The following BTBD9 variants were observed in gnomAD, a reference collection of about 807,000 sequenced individuals.
BTBD9 encodes BTB domain containing 9.
BTBD9 carries 49 observed loss-of-function variants against 64.3 expected under a neutral mutation model. That is an observed-to-expected ratio of 0.76 (90% CI 0.61 to 0.97). BTBD9 has a LOEUF of 0.97. Ranked by LOEUF, BTBD9 falls within the 50% of genes least tolerant of loss-of-function variation. The probability of loss-of-function intolerance (pLI) is 0.00; values close to 1 mark genes in which losing one functional copy is unlikely to be tolerated. For missense variants in BTBD9, 598 were observed against 762.1 expected, an observed-to-expected ratio of 0.78 and a Z score of 2.53; for synonymous variants, 260 against 274.7, an observed-to-expected ratio of 0.95 and a Z score of 0.53.
chr6:38,497,474 C>T (rs1029904369), intron 6 of BTBD9, among the ~76,000 whole-genome samples: 3 of 152,126 alleles, frequency 2.0e-5, no homozygotes, highest in South Asian at 2.1e-4. Context: ...AGCATTAGAA[C>T]GGGCTAGCTC....
intron 6 of BTBD9, among the ~76,000 whole-genome samples, chr6:38,400,354 C>G (rs1766873590): frequency 6.6e-6 from 1 of 152,192 alleles, no homozygotes; most frequent in Non-Finnish European, 1.5e-5. Context: ...CCACGTTCCA[C>G]TTTCTCATAG....
At chr6:38,371,793 T>C (rs995302628) in intron 6 of BTBD9, among the ~76,000 whole-genome samples, 2 of 152,166 alleles carry the variant, frequency 1.3e-5, no homozygotes, top group Admixed American at 6.5e-5. Flanking sequence ...GGTGTGACTG[T>C]TTTTCGTTAA....
At chr6:38,580,185 A>G (rs758117507) in intron 5 of BTBD9, 33 bp downstream of exon 5, 22 of 1,591,520 alleles carry the variant, frequency 1.4e-5, no homozygotes, top group South Asian at 1.2e-4. Context: ...TCTCAAACAT[A>G]ATGTCAGTTT....
intron 9 of BTBD9, among the ~76,000 whole-genome samples, chr6:38,221,975 G>A (rs1166426540): frequency 6.6e-6 from 1 of 152,026 alleles, no homozygotes; most frequent in Non-Finnish European, 1.5e-5. Flanking sequence ...TGGTGACAGA[G>A]AGAGACTCTG....
At chr6:38,415,886 A>G (rs1235522057) in intron 6 of BTBD9, among the ~76,000 whole-genome samples, 1 of 151,890 alleles carries the variant, frequency 6.6e-6, no homozygotes, top group Non-Finnish European at 1.5e-5. Context: ...TGCCTCACTC[A>G]TATTTCTTCA....
At chr6:38,224,759 T>C (rs1484304584) in intron 9 of BTBD9, among the ~76,000 whole-genome samples, 1 of 152,274 alleles carries the variant, frequency 6.6e-6, no homozygotes, top group East Asian at 1.9e-4. Context: ...ATAATTTACA[T>C]ATTTAATCAG....
At chr6:38,221,215 A>G (rs749220387) in intron 9 of BTBD9, among the ~76,000 whole-genome samples, 2 of 152,174 alleles carry the variant, frequency 1.3e-5, no homozygotes, top group African/African-American at 2.4e-5. Context: ...TTCATGGCCT[A>G]CCAGTAAAAA....
chr6:38,484,593 G>A (rs1771313719), intron 6 of BTBD9, among the ~76,000 whole-genome samples: 1 of 152,200 alleles, frequency 6.6e-6, no homozygotes, highest in Admixed American at 6.5e-5. Context: ...TACAGGGATA[G>A]CTGGGAGATG....
intron 8 of BTBD9, among the ~76,000 whole-genome samples, chr6:38,265,589 C>T (rs1414694148): frequency 6.6e-6 from 1 of 151,398 alleles, no homozygotes; most frequent in East Asian, 1.9e-4. Flanking sequence ...GCAACCTCTG[C>T]TCACTGCAAC....
intron 3 of BTBD9, 57 bp from the exon 4 acceptor site, chr6:38,592,897 C>A: frequency 6.4e-7 from 1 of 1,553,982 alleles, no homozygotes; most frequent in Non-Finnish European, 8.8e-7. Context: ...ACTGCATGAC[C>A]AATCAGTAAA....
chr6:38,353,051 A>G (rs1764584941), intron 6 of BTBD9, among the ~76,000 whole-genome samples: 1 of 152,268 alleles, frequency 6.6e-6, no homozygotes, highest in Non-Finnish European at 1.5e-5. Flanking sequence ...TTGCTAAATT[A>G]GAAGGATAAA....
chr6:38,635,643 C>G (rs71571334), intron 1 of BTBD9, among the ~76,000 whole-genome samples: 3 of 152,154 alleles, frequency 2.0e-5, no homozygotes, highest in Non-Finnish European at 2.9e-5. Flanking sequence ...CAGCCCCCTT[C>G]CCTCTCTCTC....
At chr6:38,554,526 G>A (rs1272594850) in intron 6 of BTBD9, among the ~76,000 whole-genome samples, 2 of 152,176 alleles carry the variant, frequency 1.3e-5, no homozygotes, top group African/African-American at 4.8e-5. Context: ...TTAGAAAATG[G>A]CTTTAAGGTA....
intron 8 of BTBD9, among the ~76,000 whole-genome samples, chr6:38,278,523 G>A (rs1486086925): frequency 2.6e-5 from 4 of 152,180 alleles, no homozygotes; most frequent in Non-Finnish European, 5.9e-5. Flanking sequence ...TAAGGCTATA[G>A]GAGGTTCTGC....
At chr6:38,532,939 G>C in intron 6 of BTBD9, among the ~76,000 whole-genome samples, 1 of 151,724 alleles carries the variant, frequency 6.6e-6, no homozygotes, top group African/African-American at 2.4e-5. Context: ...GGCGAGTAGA[G>C]CACAAAGTGG....
chr6:38,568,549 A>C (rs1265797592), intron 6 of BTBD9, among the ~76,000 whole-genome samples: 1 of 152,114 alleles, frequency 6.6e-6, no homozygotes, highest in East Asian at 1.9e-4. Context: ...CCTGGATGGC[A>C]TTGCATTCTG....
chr6:38,449,940 C>T (rs1027107793), intron 6 of BTBD9, among the ~76,000 whole-genome samples: 7 of 152,054 alleles, frequency 4.6e-5, no homozygotes, highest in African/African-American at 1.7e-4. Flanking sequence ...AATGGGATTA[C>T]ATAAAACTAA....
At chr6:38,394,587 G>A (rs949688628) in intron 6 of BTBD9, among the ~76,000 whole-genome samples, 7 of 151,884 alleles carry the variant, frequency 4.6e-5, no homozygotes, top group East Asian at 1.9e-4. Flanking sequence ...TCTTTATGTC[G>A]TTCCTTCTCA....
chr6:38,503,044 C>T (rs1328256848), intron 6 of BTBD9, among the ~76,000 whole-genome samples: 1 of 152,196 alleles, frequency 6.6e-6, no homozygotes, highest in East Asian at 1.9e-4. Context: ...TGACATTCTA[C>T]GTGTAATGAA....
Sources: gnomAD v4.1 joint callset for allele counts (sites outside exome capture counted in the v4.1 genomes callset) on GRCh38, gnomAD v4.1.1 for gene constraint, MANE v1.5 for transcripts, NCBI Gene and HGNC (gene_info 2026-07-23, HGNC 2026-07-21) for gene names.